GLI3: variants seen among roughly 807,000 people sequenced by gnomAD.
GLI3 encodes GLI family zinc finger 3.
In GLI3, 20 loss-of-function variants were observed where a neutral mutation model predicts 100.8. The observed-to-expected ratio is 0.20, with a 90% CI of 0.14 to 0.29. The LOEUF (loss-of-function observed/expected upper bound fraction) is 0.29, where lower values mean the gene tolerates loss of function less well. GLI3 is among the 10% of genes least tolerant of loss of function. The probability of loss-of-function intolerance (pLI) is 1.00; values close to 1 mark genes in which losing one functional copy is unlikely to be tolerated. For missense variants in GLI3, 2,040 were observed against 2,128.5 expected (o/e 0.96, Z 0.82); for synonymous variants, 938 against 860.5 (o/e 1.09, Z -1.58).
chr7:42,113,530 T>A, intron 3 of GLI3: 1 of 1,177,062 alleles, frequency 8.5e-7, no homozygotes, highest in Non-Finnish European at 1.3e-6. Context: ...AGGGAAAAGC[T>A]GATGCTGGCA....
At chr7:41,968,783 A>AGAAG (rs1562662157) in intron 13 of GLI3, among the ~76,000 whole-genome samples, 15 of 137,464 alleles carry the variant, frequency 1.1e-4, no homozygotes, top group African/African-American at 3.3e-4. Context: ...AAAGAAAGAA[A>AGAAG]GAAAGAAAGA....
Position 42,104,260 on chromosome 7 carries a change from A to G in GLI3, c.368-27403T>C, listed in dbSNP as rs547767946. Among the ~76,000 whole-genome samples the G allele has an allele frequency of 6.6e-5, 10 of 152,366 alleles. No individual in the cohort carries two copies. The South Asian group carries it at 2.1e-3, about 32-fold the overall frequency. On this transcript the variant is annotated intron_variant, in intron 3 of 14. Coordinates refer to ENST00000395925, the MANE Select transcript of GLI3 (RefSeq NM_000168.6). Reference sequence around the variant, plus strand: ...ATGTTGTCAGAAAAGAAGATAATGCATCACGTAAAACCTACCTAGACATAC... The same window carrying G: ...ATGTTGTCAGAAAAGAAGATAATGCGTCACGTAAAACCTACCTAGACATAC...
intron 3 of GLI3, among the ~76,000 whole-genome samples, chr7:42,147,401 T>C (rs1212781971): frequency 6.6e-6 from 1 of 152,226 alleles, no homozygotes; most frequent in Non-Finnish European, 1.5e-5. Context: ...TCATCTGGAA[T>C]TGGAGCCGGG....
intron 4 of GLI3, among the ~76,000 whole-genome samples, chr7:42,067,861 C>A (rs1337961704): frequency 6.6e-6 from 1 of 152,246 alleles, no homozygotes; most frequent in African/African-American, 2.4e-5. Context: ...TGGGGCCAGG[C>A]TTCCATTCCC....
At chr7:41,973,627 G>T (rs1264010529) in intron 12 of GLI3, among the ~76,000 whole-genome samples, 2 of 152,176 alleles carry the variant, frequency 1.3e-5, no homozygotes, top group African/African-American at 4.8e-5. Flanking sequence ...ATGTATAGCA[G>T]AGGATGAGCT....
Position 41,965,317 on chromosome 7 carries a change from C to T in GLI3, c.3756G>A (p.Pro1252=), listed in dbSNP as rs758155716. The T allele has an allele frequency of 8.1e-6, 13 of 1,613,814 alleles. No individual in the cohort carries two copies. The Admixed American group carries it at 1.8e-4, about 23-fold the overall frequency. ...GCCTGTTGAGACAGTTCCCATACTG[C>T]GGGGCCTTACAGGGCTGTTCATGGA... ...NAFHEQPCKA[P]QYGNCLNRQP... is the part of the protein sequence containing the mutation. The change falls in exon 15 of 15, where the codon CCG becomes CCA. Residue 1252 remains proline (P), a synonymous_variant. Coordinates refer to ENST00000395925, the MANE Select transcript of GLI3 (RefSeq NM_000168.6).
intron 7 of GLI3, among the ~76,000 whole-genome samples, chr7:42,034,407 G>A (rs1182949316): frequency 6.6e-6 from 1 of 152,122 alleles, no homozygotes; most frequent in African/African-American, 2.4e-5. Context: ...AGCCTTGTGG[G>A]GGGCCTCCAG....
At position 42,133,880 on chromosome 7, in the gene GLI3, G is replaced by A. The variant is rs534270517; in HGVS notation, c.367+14346C>T. On this transcript the variant is annotated intron_variant, in intron 3 of 14. Transcript: ENST00000395925. ...GCAGATCACCTGAGGTCAGGAGTTC[G>A]AGACTAGCCTGAGCAATATGGTGAA... is the stretch of plus-strand genomic sequence containing the variant. Among the ~76,000 whole-genome samples the A allele has an allele frequency of 4.6e-5, 7 of 152,086 alleles. No homozygotes were observed. In the East Asian group the frequency reaches 5.8e-4, roughly 13 times the overall value.
chr7:42,192,220 G>C (rs778355369), intron 2 of GLI3, among the ~76,000 whole-genome samples: 1 of 152,106 alleles, frequency 6.6e-6, no homozygotes, highest in African/African-American at 2.4e-5. Context: ...GGAGTTTAAT[G>C]AGGTGACTCT....
chr7:42,061,941 C>G (rs1583521980), intron 4 of GLI3, among the ~76,000 whole-genome samples: 1 of 152,146 alleles, frequency 6.6e-6, no homozygotes, highest in African/African-American at 2.4e-5. Context: ...GGCTACTTAA[C>G]AAGGAGCTAC....
intron 3 of GLI3, among the ~76,000 whole-genome samples, chr7:42,136,119 T>C (rs972791517): frequency 6.6e-6 from 1 of 152,206 alleles, no homozygotes; most frequent in Non-Finnish European, 1.5e-5. Flanking sequence ...TCTGTTGACA[T>C]GTGAAAGCTC....
chr7:42,038,368 T>C (rs1342612178), intron 7 of GLI3, among the ~76,000 whole-genome samples: 1 of 151,788 alleles, frequency 6.6e-6, no homozygotes, highest in Admixed American at 6.6e-5. Context: ...AATCTCATCC[T>C]GCCATTGCAG....
At chr7:42,031,505 T>C (rs1789296055) in intron 7 of GLI3, among the ~76,000 whole-genome samples, 1 of 152,208 alleles carries the variant, frequency 6.6e-6, no homozygotes, top group African/African-American at 2.4e-5. Context: ...CTCTGTGCAT[T>C]CCTAATGTCC....
intron 3 of GLI3, among the ~76,000 whole-genome samples, chr7:42,084,058 TG>T (rs1337250252): frequency 1.3e-5 from 2 of 152,252 alleles, no homozygotes; most frequent in Non-Finnish European, 1.5e-5. Flanking sequence ...TCTTGACTCC[TG>T]GTCTATAAAC....
At chr7:42,152,094 T>G (rs1786883826) in intron 2 of GLI3, 1 of 152,188 alleles carries the variant, frequency 6.6e-6, no homozygotes, top group African/African-American at 2.4e-5. Flanking sequence ...TTTTGTTTTG[T>G]TTTTTTCTGT....
At chr7:42,067,002 G>A (rs1016149717) in intron 4 of GLI3, among the ~76,000 whole-genome samples, 3 of 152,040 alleles carry the variant, frequency 2.0e-5, no homozygotes, top group Admixed American at 6.5e-5. Flanking sequence ...AGTGCTGTAC[G>A]GGTACATACG....
intron 1 of GLI3, among the ~76,000 whole-genome samples, chr7:42,253,745 T>C (rs1583676857): frequency 6.6e-6 from 1 of 152,216 alleles, no homozygotes; most frequent in East Asian, 1.9e-4. Context: ...CATGAAGTGC[T>C]TTTGACTTGT....
chr7:41,991,909 G>A (rs537650440), intron 10 of GLI3, among the ~76,000 whole-genome samples: 39 of 152,282 alleles, frequency 2.6e-4, no homozygotes, highest in Admixed American at 9.2e-4. Flanking sequence ...ATGTGTGTGC[G>A]TGTCTGTGCA....
intron 1 of GLI3, among the ~76,000 whole-genome samples, chr7:42,247,374 G>T (rs1160760100): frequency 1.3e-5 from 2 of 152,226 alleles, no homozygotes; most frequent in East Asian, 3.9e-4. Flanking sequence ...GTGGTGATCA[G>T]TGTGGGTTTC....
Sources: gnomAD v4.1 joint callset for allele counts (sites outside exome capture counted in the v4.1 genomes callset) on GRCh38, gnomAD v4.1.1 for gene constraint, MANE v1.5 for transcripts, NCBI Gene and HGNC (gene_info 2026-07-23, HGNC 2026-07-21) for gene names.